Variants in ANTXR2 observed in about 807,000 individuals in gnomAD.
ANTXR2 encodes the protein anthrax toxin receptor 2.
Under a neutral mutation model 73.7 loss-of-function variants are expected in ANTXR2, and 44 were observed. The ratio of observed to expected loss-of-function variants is 0.60; its 90% CI spans 0.47 to 0.77. The LOEUF (loss-of-function observed/expected upper bound fraction) is 0.77, where lower values mean the gene tolerates loss of function less well. ANTXR2 is among the 30% of genes least tolerant of loss of function. The pLI is 0.00. For missense variants in ANTXR2, 604 were observed against 592.5 expected, an observed-to-expected ratio of 1.02 and a Z score of -0.20; for synonymous variants, 217 against 205.9, an observed-to-expected ratio of 1.05 and a Z score of -0.46.
chr4:79,933,184 A>G (rs1728126590), intron 16 of ANTXR2, among the ~76,000 whole-genome samples: 1 of 152,182 alleles, frequency 6.6e-6, no homozygotes, highest in South Asian at 2.1e-4. Context: ...TATCATGAAA[A>G]CTACATAATA....
intron 12 of ANTXR2, among the ~76,000 whole-genome samples, chr4:79,985,815 C>T (rs918260483): frequency 6.0e-5 from 9 of 149,954 alleles, no homozygotes; most frequent in African/African-American, 2.0e-4. Flanking sequence ...ATGCCTTACT[C>T]ATGAAATCTT....
intron 8 of ANTXR2, 49 bp downstream of exon 8, chr4:80,035,923 G>GA (rs747897786): frequency 1.8e-4 from 264 of 1,441,898 alleles, no homozygotes; most frequent in Middle Eastern, 1.4e-3. Context: ...TTTTAGCTAG[G>GA]AAAAAAATAC....
intron 12 of ANTXR2, among the ~76,000 whole-genome samples, chr4:80,004,804 A>T (rs563673242): frequency 1.3e-5 from 2 of 152,152 alleles, no homozygotes; most frequent in African/African-American, 4.8e-5. Context: ...TATTCACTTT[A>T]TTGAAGGAGG....
intron 7 of ANTXR2, among the ~76,000 whole-genome samples, chr4:80,043,670 A>G (rs1733384536): frequency 6.6e-6 from 1 of 152,014 alleles, no homozygotes; most frequent in South Asian, 2.1e-4. Flanking sequence ...GCAGGATAAG[A>G]TAAAGCTGTT....
At chr4:79,919,846 G>A (rs1157233718) in intron 16 of ANTXR2, among the ~76,000 whole-genome samples, 4 of 80,782 alleles carry the variant, frequency 5.0e-5, no homozygotes, top group South Asian at 8.0e-4. Flanking sequence ...TGTCCCTCTA[G>A]AGAATCCTAA....
At chr4:79,987,287 A>C (rs1262558821) in intron 12 of ANTXR2, among the ~76,000 whole-genome samples, 1 of 152,054 alleles carries the variant, frequency 6.6e-6, no homozygotes, top group East Asian at 1.9e-4. Flanking sequence ...AAAAAAAAAA[A>C]AAATTGAACT....
At chr4:79,965,569 A>G (rs1227852461) in intron 16 of ANTXR2, among the ~76,000 whole-genome samples, 5 of 152,248 alleles carry the variant, frequency 3.3e-5, no homozygotes, top group Non-Finnish European at 5.9e-5. Flanking sequence ...TAAATACTTC[A>G]TAAGAACCAT....
At chr4:80,003,703 A>C (rs558518056) in intron 12 of ANTXR2, among the ~76,000 whole-genome samples, 60 of 152,218 alleles carry the variant, frequency 3.9e-4, no homozygotes, top group Middle Eastern at 3.4e-3. Flanking sequence ...AATTAAAACC[A>C]CGATGAGATA....
intron 7 of ANTXR2, among the ~76,000 whole-genome samples, chr4:80,037,761 AAATAG>A (rs1234042134): frequency 3.9e-5 from 6 of 152,178 alleles, no homozygotes; most frequent in Non-Finnish European, 8.8e-5. Flanking sequence ...ACTCTGAAGG[AAATAG>A]AATAGAAAAG....
intron 16 of ANTXR2, among the ~76,000 whole-genome samples, chr4:79,956,895 C>T (rs1728909187): frequency 6.6e-6 from 1 of 151,960 alleles, no homozygotes; most frequent in African/African-American, 2.4e-5. Flanking sequence ...GCCAATAATC[C>T]CTGTTTTTCA....
chr4:79,936,649 A>T (rs994225628), intron 16 of ANTXR2, among the ~76,000 whole-genome samples: 5 of 151,786 alleles, frequency 3.3e-5, no homozygotes, highest in African/African-American at 9.7e-5. Flanking sequence ...CAAAAGAAAT[A>T]AAAAAAATCC....
At chr4:80,025,191 A>G (rs1233691895) in intron 10 of ANTXR2, among the ~76,000 whole-genome samples, 2 of 152,238 alleles carry the variant, frequency 1.3e-5, no homozygotes, top group Non-Finnish European at 2.9e-5. Context: ...ATGAGAAATT[A>G]TTAAATAGTA....
intron 12 of ANTXR2, among the ~76,000 whole-genome samples, chr4:79,992,938 C>T (rs1039748543): frequency 6.6e-6 from 1 of 151,996 alleles, no homozygotes; most frequent in Non-Finnish European, 1.5e-5. Flanking sequence ...TTTGAAATAT[C>T]CCCCACCTTC....
rs1296549449 is a variant in ANTXR2, at chr4:79,905,385, G to C, written c.*2044C>G. On this transcript the variant is annotated 3_prime_UTR_variant, in exon 17 of 17. Transcript: ENST00000403729. ...ACAATAACTCATTGCAGAAAGGGTT[G>C]GGTATACTATATCAGGCTTCCAAGT... 4 of 152,156 alleles carry C rather than the reference G, an allele frequency of 2.6e-5. No individual in the cohort carries two copies. The highest frequency in any genetic ancestry group is 4.4e-5 in the Non-Finnish European group (3 of 68,034). 9.4% of individuals were successfully genotyped at this position (152,156 alleles called of 1,614,324 possible). A position where few individuals can be genotyped will look rare whatever the true frequency, so the allele number is the denominator to read the frequency against.
intron 7 of ANTXR2, among the ~76,000 whole-genome samples, chr4:80,046,164 A>G (rs900615129): frequency 6.6e-6 from 1 of 151,842 alleles, no homozygotes; most frequent in African/African-American, 2.4e-5. Flanking sequence ...AAACAGATGG[A>G]TAGTTCTGAT....
At position 80,054,338 on chromosome 4, in the gene ANTXR2, A is replaced by G. The variant is rs762147119; in HGVS notation, c.570T>C (p.Ala190=). ...CAGGGAAAACTTGCTCCTTGGAATC[A>G]GCAATTCTTTCAAGCTTTAGAAAGA... The part of the protein sequence containing the change: ...DFEQAQLERI[A]DSKEQVFPVK... Residue 190 remains alanine, a synonymous_variant, in exon 7 of 17, where the codon GCT becomes GCC. Transcript: ENST00000403729. The G allele has an allele frequency of 6.3e-7, 1 of 1,591,610 alleles. No homozygotes were observed. The highest frequency in any genetic ancestry group is 1.4e-5 in the African/African-American group (1 of 73,158).
chr4:80,018,786 T>A, intron 11 of ANTXR2, 112 bp downstream of exon 11: 1 of 900,198 alleles, frequency 1.1e-6, no homozygotes, highest in Non-Finnish European at 1.6e-6. Flanking sequence ...TGGTCTCCAA[T>A]GTTATTGTTT....
At chr4:80,017,613 A>G (rs553978125) in intron 11 of ANTXR2, among the ~76,000 whole-genome samples, 1 of 152,350 alleles carries the variant, frequency 6.6e-6, no homozygotes, top group Non-Finnish European at 1.5e-5. Flanking sequence ...TAGGATAGGA[A>G]CAAAGACCTG....
In ANTXR2 at chr4:79,978,083, T is replaced by C. The variant is rs1729717944; in HGVS notation, c.1271A>G (p.Glu424Gly). ...TCGAGGTGGTCTAGGCCTGATGGGT[T>C]CCTCTGTTTCTTCAGGAATCTTCAC... ...AVVKIPEETE[E>G]PIRPRPPRPK... is the part of the protein sequence containing the mutation. The change falls in exon 15 of 17, where the codon GAA becomes GGA. Residue 424 changes from glutamate to glycine, a missense_variant. Coordinates refer to ENST00000403729, the MANE Select transcript of ANTXR2 (RefSeq NM_058172.6). 1 of 1,613,746 alleles carries C rather than the reference T, an allele frequency of 6.2e-7. No homozygotes were observed.
Sources: allele counts gnomAD v4.1 joint callset (sites outside exome capture counted in the v4.1 genomes callset), GRCh38; gene constraint gnomAD v4.1.1; transcripts MANE v1.5; gene names NCBI Gene and HGNC (gene_info 2026-07-23, HGNC 2026-07-21).